SPATS2L: variants seen among roughly 807,000 people sequenced by gnomAD.
SPATS2L encodes the protein SPATS2-like protein.
A neutral mutation model predicts 59.6 loss-of-function variants in SPATS2L; 30 were observed. That is an observed-to-expected ratio of 0.50 (90% CI 0.38 to 0.68). The LOEUF (loss-of-function observed/expected upper bound fraction) is 0.68. Ranked by LOEUF, SPATS2L falls within the 30% of genes least tolerant of loss-of-function variation. SPATS2L has a pLI of 0.00. For synonymous variants in SPATS2L, 252 were observed against 263.5 expected, an observed-to-expected ratio of 0.96 and a Z score of 0.42; for missense variants, 615 against 700.0, an observed-to-expected ratio of 0.88 and a Z score of 1.37.
At chr2:200,473,554 A>C (rs1289758631) in intron 12 of SPATS2L, among the ~76,000 whole-genome samples, 1 of 152,220 alleles carries the variant, frequency 6.6e-6, no homozygotes, top group Non-Finnish European at 1.5e-5. Flanking sequence ...GATTTCAGTA[A>C]GGAGAATACA....
intron 3 of SPATS2L, chr2:200,393,379 A>G: frequency 2.2e-6 from 1 of 456,008 alleles, no homozygotes. Context: ...ACAGAGGTTC[A>G]GTGTAAATGC....
chr2:200,471,945 G>A (rs989187124), intron 11 of SPATS2L, among the ~76,000 whole-genome samples: 2 of 152,234 alleles, frequency 1.3e-5, no homozygotes, highest in African/African-American at 4.8e-5. Context: ...GGTGAACTGT[G>A]AGAGGGAAGT....
chr2:200,396,374 C>T (rs1382640676), intron 3 of SPATS2L, among the ~76,000 whole-genome samples: 2 of 152,038 alleles, frequency 1.3e-5, no homozygotes, highest in South Asian at 4.1e-4. Flanking sequence ...GGAGAAAAGT[C>T]TCTTGTCCAG....
Position 200,440,754 on chromosome 2 carries a change from TC to T in SPATS2L, c.759del (p.Ala255LeufsTer17). 2 of 1,613,616 alleles carry T rather than the reference TC, an allele frequency of 1.2e-6. No homozygotes were observed. Among genetic ancestry groups the T allele is most frequent in the Non-Finnish European group, 1.7e-6 (2 of 1,179,642 alleles). On this transcript the variant is annotated frameshift_variant, in exon 8 of 13. Transcript: ENST00000409140. LOFTEE classifies it high-confidence loss of function. ...KEEVDSSVKK[I>X]KAAFAELHNC... is the part of the protein sequence containing the mutation. Reference sequence around the variant, plus strand: ...GAAGTGGATAGTTCCGTGAAGAAGATCAAAGCTGCCTTTGCTGAATTACACA... The same window carrying T: ...GAAGTGGATAGTTCCGTGAAGAAGATAAAGCTGCCTTTGCTGAATTACACA...
chr2:200,417,639 A>G (rs2083121593), intron 5 of SPATS2L, among the ~76,000 whole-genome samples: 1 of 152,200 alleles, frequency 6.6e-6, no homozygotes, highest in Non-Finnish European at 1.5e-5. Context: ...GAGAGCCAGA[A>G]GCTGCTGTGG....
At chr2:200,384,513 C>T (rs34074599) in intron 2 of SPATS2L, among the ~76,000 whole-genome samples, 38,720 of 152,064 alleles carry the variant, frequency 0.25, 5,572 homozygotes, top group South Asian at 0.35. Flanking sequence ...GCCGCCATGC[C>T]GGCTAATTTT....
At chr2:200,426,604 A>G (rs776352442) in intron 6 of SPATS2L, among the ~76,000 whole-genome samples, 7 of 152,058 alleles carry the variant, frequency 4.6e-5, no homozygotes, top group African/African-American at 9.7e-5. Flanking sequence ...GCCCATGCCT[A>G]TACTCCCAGC....
intron 2 of SPATS2L, among the ~76,000 whole-genome samples, chr2:200,341,171 T>C (rs1047240956): frequency 1.3e-5 from 2 of 152,206 alleles, no homozygotes; most frequent in African/African-American, 4.8e-5. Flanking sequence ...AGTATTATCA[T>C]TTATCTGTGT....
chr2:200,351,711 GA>G (rs968580705), intron 2 of SPATS2L, among the ~76,000 whole-genome samples: 5 of 139,298 alleles, frequency 3.6e-5, no homozygotes, highest in Non-Finnish European at 6.7e-5. Context: ...TATAGATTGA[GA>G]TTTTTTTTTG....
chr2:200,468,659 C>T (rs572183666), intron 10 of SPATS2L, among the ~76,000 whole-genome samples: 5 of 152,180 alleles, frequency 3.3e-5, no homozygotes, highest in African/African-American at 4.8e-5. Flanking sequence ...ATTGCAGTGG[C>T]CTCCACACTA....
chr2:200,317,587 G>T (rs1057200573), intron 1 of SPATS2L, among the ~76,000 whole-genome samples: 8 of 152,134 alleles, frequency 5.3e-5, no homozygotes, highest in African/African-American at 1.9e-4. Context: ...GGTGACAAAG[G>T]ACCAGAAGGA....
intron 2 of SPATS2L, among the ~76,000 whole-genome samples, chr2:200,361,514 AT>A (rs2105870851): frequency 6.6e-6 from 1 of 152,302 alleles, no homozygotes; most frequent in Admixed American, 6.5e-5. Context: ...AACTAAAATG[AT>A]TAACTGCACG....
chr2:200,399,103 T>C (rs937802867), intron 3 of SPATS2L, among the ~76,000 whole-genome samples: 1 of 152,238 alleles, frequency 6.6e-6, no homozygotes, highest in African/African-American at 2.4e-5. Context: ...ACATGAAATT[T>C]ACCCTCTTAT....
Position 200,478,174 on chromosome 2 carries a change from C to G in SPATS2L, c.*143C>G. 1 of 777,430 alleles carries G rather than the reference C, an allele frequency of 1.3e-6. No homozygotes were observed. The highest frequency in any genetic ancestry group is 1.9e-6 in the Non-Finnish European group (1 of 529,104). 48.2% of individuals were successfully genotyped at this position (777,430 alleles called of 1,614,324 possible). ...CCTCTCTTAATCATTTTTACTAATT[C>G]TAATAATCAGCTCTAGCTTGCTTCA... On this transcript the variant is annotated 3_prime_UTR_variant, in exon 13 of 13. Coordinates refer to ENST00000409140, the MANE Select transcript of SPATS2L (RefSeq NM_001100423.2).
At chr2:200,465,732 C>T (rs1227275786) in intron 9 of SPATS2L, among the ~76,000 whole-genome samples, 2 of 152,102 alleles carry the variant, frequency 1.3e-5, no homozygotes, top group Non-Finnish European at 2.9e-5. Flanking sequence ...TTGATATCAG[C>T]ATAAAAAGAT....
intron 2 of SPATS2L, among the ~76,000 whole-genome samples, chr2:200,329,827 A>T (rs1211740463): frequency 6.6e-6 from 1 of 151,888 alleles, no homozygotes; most frequent in Non-Finnish European, 1.5e-5. Context: ...GTGATTTAGA[A>T]AAGAATTATG....
intron 2 of SPATS2L, among the ~76,000 whole-genome samples, chr2:200,380,152 G>A (rs1284655976): frequency 1.3e-5 from 2 of 152,150 alleles, no homozygotes; most frequent in East Asian, 3.9e-4. Context: ...TCCTCCCCCT[G>A]TGCTTGCACT....
At chr2:200,469,753 CA>C (rs2086885200) in intron 10 of SPATS2L, 160 bp from the exon 11 acceptor site, 2 of 600,928 alleles carry the variant, frequency 3.3e-6, no homozygotes, top group Non-Finnish European at 5.9e-6. Flanking sequence ...GCCAGGTCAG[CA>C]CTAAGACTGA....
chr2:200,348,122 C>T (rs1053664056), intron 2 of SPATS2L, among the ~76,000 whole-genome samples: 2 of 152,106 alleles, frequency 1.3e-5, no homozygotes, highest in African/African-American at 4.8e-5. Flanking sequence ...AAATTTAAAA[C>T]GACTTGTGAT....
Sources: gnomAD v4.1 joint callset for allele counts (sites outside exome capture counted in the v4.1 genomes callset) on GRCh38, gnomAD v4.1.1 for gene constraint, MANE v1.5 for transcripts, NCBI Gene and HGNC (gene_info 2026-07-23, HGNC 2026-07-21) for gene names.